Variants in PLRG1 observed in about 807,000 individuals in gnomAD.
The protein encoded by PLRG1 is pleiotropic regulator 1 (PRL1 homolog, Arabidopsis).
Under a neutral mutation model 74.9 loss-of-function variants are expected in PLRG1, and 28 were observed. The ratio of observed to expected loss-of-function variants is 0.37; its 90% CI spans 0.28 to 0.51. PLRG1 has a LOEUF of 0.51. Ranked by LOEUF, PLRG1 falls within the 20% of genes least tolerant of loss-of-function variation. The probability of loss-of-function intolerance (pLI) is 0.91; values close to 1 mark genes in which losing one functional copy is unlikely to be tolerated. For synonymous variants in PLRG1, 197 were observed against 212.4 expected, an observed-to-expected ratio of 0.93 and a Z score of 0.63; for missense variants, 445 against 631.9, an observed-to-expected ratio of 0.70 and a Z score of 3.17.
At chr4:154,547,941 G>A in intron 2 of PLRG1, 88 bp from the exon 3 acceptor site, 1 of 956,396 alleles carries the variant, frequency 1.0e-6, no homozygotes, top group South Asian at 1.8e-5. Context: ...CGTAGAAAAA[G>A]TTTCTAGTAT....
intron 14 of PLRG1, 144 bp from the exon 15 acceptor site, chr4:154,536,888 T>C (rs900785340): frequency 4.2e-5 from 23 of 548,418 alleles, no homozygotes; most frequent in Non-Finnish European, 6.8e-5. Context: ...GAAGAGTTGA[T>C]AAACTTCTGG....
rs1166709051 is a variant in PLRG1 at position 154,535,415 on chromosome 4, G to C, written c.*1270C>G. ...TCCCATTAGGCAGTTTCCTAGGAAT[G>C]AACTTAGTAGGCCAAAAGGTTCAAA... On this transcript the variant is annotated 3_prime_UTR_variant, in exon 15 of 15. Transcript: ENST00000499023. 2 of 151,474 alleles carry C rather than the reference G, an allele frequency of 1.3e-5. No homozygotes were observed. Among genetic ancestry groups the C allele is most frequent in the Non-Finnish European group, 2.9e-5 (2 of 67,882 alleles). 9.4% of individuals were successfully genotyped at this position (151,474 alleles called of 1,614,324 possible).
At chr4:154,550,210 G>C (rs1729737429) in intron 1 of PLRG1, 90 bp downstream of exon 1, 3 of 1,158,632 alleles carry the variant, frequency 2.6e-6, no homozygotes, top group African/African-American at 3.0e-5. Flanking sequence ...TTTTCTCTCT[G>C]GACTCCAAGT....
chr4:154,538,373 C>A (rs1357068950), intron 12 of PLRG1, among the ~76,000 whole-genome samples: 1 of 151,928 alleles, frequency 6.6e-6, no homozygotes, highest in African/African-American at 2.4e-5. Flanking sequence ...TAAGCCAGAG[C>A]AATAAATGTG....
chr4:154,546,081 G>C, intron 5 of PLRG1, 42 bp downstream of exon 5: 1 of 1,270,988 alleles, frequency 7.9e-7, no homozygotes, highest in African/African-American at 1.5e-5. Context: ...TGTGAACAGT[G>C]AAATATGCTT....
At chr4:154,545,231 ACATT>A (rs1729629205) in intron 6 of PLRG1, among the ~76,000 whole-genome samples, 1 of 152,222 alleles carries the variant, frequency 6.6e-6, no homozygotes, top group Non-Finnish European at 1.5e-5. Flanking sequence ...TGGCAGTTAC[ACATT>A]CATTCACTTC....
intron 4 of PLRG1, chr4:154,546,452 G>C: frequency 4.4e-6 from 2 of 459,134 alleles, no homozygotes; most frequent in Non-Finnish European, 3.9e-6. Flanking sequence ...AAGCAGCCCA[G>C]AATAGTAAAG....
At chr4:154,539,829 A>G in intron 11 of PLRG1, 122 bp downstream of exon 11, 1 of 680,368 alleles carries the variant, frequency 1.5e-6, no homozygotes, top group East Asian at 2.7e-5. Context: ...TGATTAAAAT[A>G]TGACACAGAA....
chr4:154,548,986 T>A, intron 1 of PLRG1, 51 bp from the exon 2 acceptor site: 1 of 1,040,218 alleles, frequency 9.6e-7, no homozygotes, highest in Non-Finnish European at 1.5e-6. Context: ...ACACAAATCA[T>A]AACCTAAAGT....
At position 154,539,982 on chromosome 4, in the gene PLRG1, T is replaced by C. The variant is rs151293964; in HGVS notation, c.1011A>G (p.Arg337=). The C allele has an allele frequency of 1.8e-5, 28 of 1,592,804 alleles. No homozygotes were observed. The African/African-American group carries it at 2.7e-4, about 15-fold the overall frequency. ...TAATTTGTGGTTCTGCAGCCTGACATCTCACTGTAGCAACTGCATTTGTAT... is the reference window on the plus strand; with the variant it reads ...TAATTTGTGGTTCTGCAGCCTGACACCTCACTGTAGCAACTGCATTTGTAT... ...SGHTNAVATV[R]CQAAEPQIIT... is the part of the protein sequence containing the mutation. Residue 337 remains arginine (R), a synonymous_variant, in exon 11 of 15, where the codon AGA becomes AGG. Transcript: ENST00000499023.
Position 154,540,830 on chromosome 4 carries a change from A to G in PLRG1, c.792T>C (p.Cys264=). Residue 264 remains cysteine (C), a synonymous_variant, in exon 9 of 15, where the codon TGT becomes TGC. Coordinates refer to ENST00000499023, the MANE Select transcript of PLRG1 (RefSeq NM_002669.4). Reference sequence around the variant, plus strand: ...AGCATTTCACTTGTTTGTCTTCTCCACAAGAGAACAGATATGGGCTCCTTG... The same window carrying G: ...AGCATTTCACTTGTTTGTCTTCTCCGCAAGAGAACAGATATGGGCTCCTTG... ...VSTRSPYLFS[C]GEDKQVKCWD... is the part of the protein sequence containing the mutation. The G allele has an allele frequency of 1.2e-6, 2 of 1,613,782 alleles. No individual in the cohort carries two copies. The highest frequency in any genetic ancestry group is 1.7e-6 in the Non-Finnish European group (2 of 1,179,698).
chr4:154,536,526 G>GT lies in PLRG1; in HGVS notation c.*158dup, dbSNP rs1201730537. 6 of 624,558 alleles carry GT rather than the reference G, an allele frequency of 9.6e-6. No individual in the cohort carries two copies. Among genetic ancestry groups the GT allele is most frequent in the Admixed American group, 3.0e-5 (1 of 33,302 alleles). 38.7% of individuals were successfully genotyped at this position (624,558 alleles called of 1,614,324 possible). On this transcript the variant is annotated 3_prime_UTR_variant, in exon 15 of 15. Transcript: ENST00000499023. ...ACACAGGGGTAGGGGACAGGGGACA[G>GT]TTTATTGTAAAATATGAAGCAGCAA...
chr4:154,544,563 C>CATT lies in PLRG1; in HGVS notation c.493-20_493-18dup. On this transcript the variant is annotated splice_polypyrimidine_tract_variant and intron_variant, in intron 6 of 14. Transcript: ENST00000499023. The stretch of plus-strand genomic sequence containing the variant: ...CATGACAATCTAGACATAGAAGAGA[C>CATT]ATTATTATTATTAAAGACATCATAC... The CATT allele has an allele frequency of 7.2e-7, 1 of 1,383,172 alleles. No individual in the cohort carries two copies. Among genetic ancestry groups the CATT allele is most frequent in the Non-Finnish European group, 1.0e-6 (1 of 971,806 alleles). 85.7% of individuals were successfully genotyped at this position (1,383,172 alleles called of 1,614,324 possible).
At chr4:154,540,133 T>C in intron 10 of PLRG1, 80 bp from the exon 11 acceptor site, 1 of 798,172 alleles carries the variant, frequency 1.3e-6, no homozygotes, top group South Asian at 1.4e-5. Flanking sequence ...AATTCAAGGC[T>C]GAAAATTTAC....
intron 3 of PLRG1, 139 bp from the exon 4 acceptor site, chr4:154,547,203 A>T: frequency 1.4e-6 from 1 of 711,964 alleles, no homozygotes; most frequent in Non-Finnish European, 2.5e-6. Flanking sequence ...CTCAGAAATA[A>T]GGGAAGTTGA....
Position 154,535,124 on chromosome 4 carries a change from C to T in PLRG1, c.*1561G>A, listed in dbSNP as rs1729421591. ...TCCATAATTCTGCTTCCTAACAAAG[C>T]CACTGTTAGTAATGTGGTGTTACTT... On this transcript the variant is annotated 3_prime_UTR_variant, in exon 15 of 15. Coordinates refer to ENST00000499023, the MANE Select transcript of PLRG1 (RefSeq NM_002669.4). 6.6e-6 allele frequency: 1 copy of T among 152,004 alleles called. No individual in the cohort carries two copies. The highest frequency in any genetic ancestry group is 6.6e-5 in the Admixed American group (1 of 15,244). The allele number at this position is 152,004 out of a possible 1,614,324, so 9.4% of individuals were successfully genotyped here.
chr4:154,548,431 G>A (rs1002819975), intron 2 of PLRG1, among the ~76,000 whole-genome samples: 1 of 152,182 alleles, frequency 6.6e-6, no homozygotes, highest in Non-Finnish European at 1.5e-5. Flanking sequence ...AGCTGGATAT[G>A]TAGAACCAAA....
chr4:154,535,429 A>G lies in PLRG1; in HGVS notation c.*1256T>C, dbSNP rs1423901717. 6.6e-6 allele frequency: 1 copy of G among 151,578 alleles called. No homozygotes were observed. Among genetic ancestry groups the G allele is most frequent in the Non-Finnish European group, 1.5e-5 (1 of 67,912 alleles). 9.4% of individuals were successfully genotyped at this position (151,578 alleles called of 1,614,324 possible). A position where few individuals can be genotyped will look rare whatever the true frequency, so the allele number is the denominator to read the frequency against. On this transcript the variant is annotated 3_prime_UTR_variant, in exon 15 of 15. Coordinates refer to ENST00000499023, the MANE Select transcript of PLRG1 (RefSeq NM_002669.4). ...TTCCTAGGAATGAACTTAGTAGGCC[A>G]AAAGGTTCAAAGTTTCAATAAATCC... is the stretch of plus-strand genomic sequence containing the variant.
chr4:154,542,216 C>A lies in PLRG1; in HGVS notation c.658G>T (p.Val220Phe). 6.2e-7 allele frequency: 1 copy of A among 1,609,930 alleles called. No homozygotes were observed. Among genetic ancestry groups the A allele is most frequent in the Non-Finnish European group, 8.5e-7 (1 of 1,176,246 alleles). ...ATAGTTCTGTCAGCAGATCCAGTAACAAACCACTGATTTCCAGGTTCCACA... is the reference window on the plus strand; with the variant it reads ...ATAGTTCTGTCAGCAGATCCAGTAAAAAACCACTGATTTCCAGGTTCCACA... ...IAVEPGNQWF[V>F]TGSADRTIKI... Residue 220 changes from valine (V) to phenylalanine (F), a missense_variant, in exon 8 of 15, where the codon GTT becomes TTT. Coordinates refer to ENST00000499023, the MANE Select transcript of PLRG1 (RefSeq NM_002669.4).
Sources: allele counts gnomAD v4.1 joint callset (sites outside exome capture counted in the v4.1 genomes callset), GRCh38; gene constraint gnomAD v4.1.1; transcripts MANE v1.5; gene names NCBI Gene and HGNC (gene_info 2026-07-23, HGNC 2026-07-21).